Variants in TEAD1 observed in about 807,000 individuals in gnomAD.
TEAD1 encodes transcriptional enhancer factor TEF-1.
In TEAD1, 9 loss-of-function variants were observed where a neutral mutation model predicts 54.9. That is an observed-to-expected ratio of 0.16 (90% confidence interval 0.10 to 0.29). The LOEUF is 0.29. Ranked by LOEUF, TEAD1 falls within the 10% of genes least tolerant of loss-of-function variation. TEAD1 has a pLI of 1.00. For synonymous variants in TEAD1, 200 were observed against 187.8 expected, an observed-to-expected ratio of 1.07 and a Z score of -0.53; for missense variants, 387 against 535.9, an observed-to-expected ratio of 0.72 and a Z score of 2.74.
chr11:12,724,019 T>G (rs1368094835), intron 2 of TEAD1, among the ~76,000 whole-genome samples: 1 of 152,238 alleles, frequency 6.6e-6, no homozygotes, highest in African/African-American at 2.4e-5. Context: ...GTTTGTTTAT[T>G]TGCCTGGGGT....
chr11:12,771,484 T>C (rs1208561508), intron 3 of TEAD1, among the ~76,000 whole-genome samples: 3 of 152,110 alleles, frequency 2.0e-5, no homozygotes, highest in Non-Finnish European at 2.9e-5. Flanking sequence ...GGGATGAGAT[T>C]TGTGAAAAAG....
intron 3 of TEAD1, among the ~76,000 whole-genome samples, chr11:12,795,448 G>A (rs1283974919): frequency 1.3e-5 from 2 of 152,202 alleles, no homozygotes; most frequent in Non-Finnish European, 2.9e-5. Context: ...CTCTCATGTT[G>A]CATACATGGG....
chr11:12,859,040 G>GGGACCACC (rs1947447431), intron 3 of TEAD1, among the ~76,000 whole-genome samples: 2 of 152,138 alleles, frequency 1.3e-5, no homozygotes, highest in Admixed American at 1.3e-4. Context: ...ATAATTTTAT[G>GGGACCACC]GGACCACCAT....
intron 3 of TEAD1, among the ~76,000 whole-genome samples, chr11:12,820,445 G>A (rs10466378): frequency 0.33 from 50,099 of 151,256 alleles, 9,170 homozygotes; most frequent in South Asian, 0.57. Flanking sequence ...TCCCCAAAGC[G>A]TTCTCCTTCT....
intron 3 of TEAD1, among the ~76,000 whole-genome samples, chr11:12,772,794 G>C (rs1945338786): frequency 6.6e-6 from 1 of 152,098 alleles, no homozygotes; most frequent in Admixed American, 6.6e-5. Flanking sequence ...ATACGACTCA[G>C]ATTTTCCCAG....
chr11:12,881,811 A>G, intron 7 of TEAD1, 85 bp from the exon 8 acceptor site: 1 of 1,417,742 alleles, frequency 7.1e-7, no homozygotes, highest in Non-Finnish European at 1.0e-6. Flanking sequence ...AGGACCTCCC[A>G]CTGGGAGGTC....
At chr11:12,846,776 G>T (rs1441961289) in intron 3 of TEAD1, among the ~76,000 whole-genome samples, 1 of 152,192 alleles carries the variant, frequency 6.6e-6, no homozygotes, top group Non-Finnish European at 1.5e-5. Flanking sequence ...TACTAAATCT[G>T]AAATTGATGA....
At chr11:12,835,689 T>C (rs1946874979) in intron 3 of TEAD1, among the ~76,000 whole-genome samples, 1 of 152,094 alleles carries the variant, frequency 6.6e-6, no homozygotes, top group African/African-American at 2.4e-5. Context: ...ATGGCTGGCC[T>C]AGAAGAATGT....
At chr11:12,892,584 C>T (rs1948218935) in intron 9 of TEAD1, among the ~76,000 whole-genome samples, 1 of 152,124 alleles carries the variant, frequency 6.6e-6, no homozygotes, top group South Asian at 2.1e-4. Context: ...GCAGAGGTTG[C>T]AGTGAGCTGA....
intron 3 of TEAD1, among the ~76,000 whole-genome samples, chr11:12,798,971 C>T (rs1441046087): frequency 6.6e-6 from 1 of 152,218 alleles, no homozygotes; most frequent in African/African-American, 2.4e-5. Context: ...CCCAGGCATT[C>T]TGCCTGCTGG....
chr11:12,763,673 A>G (rs188528658), intron 2 of TEAD1, among the ~76,000 whole-genome samples: 2 of 152,338 alleles, frequency 1.3e-5, no homozygotes, highest in Admixed American at 6.5e-5. Flanking sequence ...GCCACTTGCC[A>G]TGGTGAAGTG....
intron 2 of TEAD1, among the ~76,000 whole-genome samples, chr11:12,730,765 A>T (rs764939129): frequency 6.9e-6 from 1 of 144,110 alleles, no homozygotes; most frequent in Non-Finnish European, 1.5e-5. Flanking sequence ...CACTAGTGCA[A>T]TCATGGCTCA....
chr11:12,859,521 G>A (rs544367243), intron 3 of TEAD1, among the ~76,000 whole-genome samples: 2 of 152,186 alleles, frequency 1.3e-5, no homozygotes, highest in Non-Finnish European at 2.9e-5. Context: ...TGTTGTCAGC[G>A]AGCCTTCAAG....
chr11:12,769,132 C>T (rs554126672), intron 3 of TEAD1, among the ~76,000 whole-genome samples: 1 of 152,196 alleles, frequency 6.6e-6, no homozygotes, highest in South Asian at 2.1e-4. Context: ...TCTTCAGGAT[C>T]CTTGCTTAGG....
intron 2 of TEAD1, among the ~76,000 whole-genome samples, chr11:12,740,096 A>G (rs1944621594): frequency 6.6e-6 from 1 of 152,186 alleles, no homozygotes; most frequent in African/African-American, 2.4e-5. Context: ...TTGTCTGTAC[A>G]CATAGGCAGT....
intron 3 of TEAD1, among the ~76,000 whole-genome samples, chr11:12,799,655 G>A (rs749760412): frequency 1.3e-5 from 2 of 152,212 alleles, no homozygotes; most frequent in African/African-American, 4.8e-5. Context: ...GAAGTAAGTG[G>A]CTTAGAGAGG....
intron 3 of TEAD1, among the ~76,000 whole-genome samples, chr11:12,772,740 TA>T (rs1302272615): frequency 6.6e-6 from 1 of 152,124 alleles, no homozygotes; most frequent in Non-Finnish European, 1.5e-5. Context: ...AACTGGAGTG[TA>T]ATATTGCAAC....
intron 12 of TEAD1, among the ~76,000 whole-genome samples, chr11:12,936,897 A>C (rs1209594107): frequency 6.6e-6 from 1 of 152,144 alleles, no homozygotes; most frequent in Non-Finnish European, 1.5e-5. Context: ...CCCTATCTAG[A>C]AGGTATTTCT....
chr11:12,867,656 T>G (rs1416249481), intron 5 of TEAD1, among the ~76,000 whole-genome samples: 1 of 152,214 alleles, frequency 6.6e-6, no homozygotes, highest in African/African-American at 2.4e-5. Context: ...TGTTCAGCTC[T>G]GGAATCTAAT....
Sources: gnomAD v4.1 joint callset for allele counts (sites outside exome capture counted in the v4.1 genomes callset) on GRCh38, gnomAD v4.1.1 for gene constraint, MANE v1.5 for transcripts, NCBI Gene and HGNC (gene_info 2026-07-23, HGNC 2026-07-21) for gene names.